Variants in CACNG7 observed in about 807,000 individuals in gnomAD.
CACNG7 encodes the protein voltage-dependent calcium channel gamma-7 subunit.
In CACNG7, 9 loss-of-function variants were observed where a neutral mutation model predicts 26.3. The ratio of observed to expected loss-of-function variants is 0.34; its 90% CI spans 0.21 to 0.60. The LOEUF (loss-of-function observed/expected upper bound fraction) is 0.60. Ranked by LOEUF, CACNG7 falls within the 20% of genes least tolerant of loss-of-function variation. The probability of loss-of-function intolerance (pLI) is 0.81; values close to 1 mark genes in which losing one functional copy is unlikely to be tolerated. For synonymous variants in CACNG7, 170 were observed against 157.0 expected, an observed-to-expected ratio of 1.08 and a Z score of -0.62; for missense variants, 297 against 380.4, an observed-to-expected ratio of 0.78 and a Z score of 1.82.
intron 4 of CACNG7, among the ~76,000 whole-genome samples, chr19:53,926,769 T>A (rs1296617111): frequency 6.6e-6 from 1 of 151,818 alleles, no homozygotes; most frequent in Non-Finnish European, 1.5e-5. Context: ...AAAAATTGAC[T>A]GGGCATGGTG....
chr19:53,932,123 C>T (rs188429308), intron 4 of CACNG7, among the ~76,000 whole-genome samples: 2 of 151,312 alleles, frequency 1.3e-5, no homozygotes, highest in East Asian at 1.9e-4. Flanking sequence ...CACAGTGACT[C>T]GAGCCTGTAG....
At chr19:53,928,015 A>AG (rs1054627584) in intron 4 of CACNG7, among the ~76,000 whole-genome samples, 1 of 143,694 alleles carries the variant, frequency 7.0e-6, no homozygotes, top group African/African-American at 2.7e-5. Flanking sequence ...GATGTAGTTG[A>AG]GGGGGTGGGA....
intron 4 of CACNG7, among the ~76,000 whole-genome samples, chr19:53,926,113 A>G (rs907361944): frequency 1.3e-5 from 2 of 152,114 alleles, no homozygotes; most frequent in African/African-American, 2.4e-5. Flanking sequence ...GCCCATGTGC[A>G]CTCACTCACA....
rs199711842 is a variant in CACNG7 at position 53,921,754 on chromosome 19, T to TC, written c.424+6249_424+6250insC. On this transcript the variant is annotated intron_variant, in intron 4 of 5. Transcript: ENST00000391767. Reference sequence around the variant, plus strand: ...ATTGGTGGAGTTGCCCCAGGTCTGGTATTGGTGGAGTTGTCCCAGGTCTGG... The same window carrying TC: ...ATTGGTGGAGTTGCCCCAGGTCTGGTCATTGGTGGAGTTGTCCCAGGTCTGG... Among the ~76,000 whole-genome samples, 37 of 72,240 alleles carry TC rather than the reference T, an allele frequency of 5.1e-4. 1 individual carries two copies. The highest frequency in any genetic ancestry group is 1.2e-3 in the African/African-American group (14 of 11,572). 47.4% of individuals were successfully genotyped at this position (72,240 alleles called of 152,430 possible). A position where few individuals can be genotyped will look rare whatever the true frequency, so the allele number is the denominator to read the frequency against.
intron 4 of CACNG7, among the ~76,000 whole-genome samples, chr19:53,922,749 GT>G (rs1464924175): frequency 3.2e-5 from 2 of 63,264 alleles, no homozygotes; most frequent in Non-Finnish European, 5.5e-5. Context: ...GTTGTCCCAG[GT>G]CTGGTCATTG....
intron 4 of CACNG7, among the ~76,000 whole-genome samples, chr19:53,925,009 G>T (rs1182718712): frequency 7.8e-6 from 1 of 128,240 alleles, no homozygotes; most frequent in East Asian, 2.1e-4. Context: ...CCCCAGGTCT[G>T]GTATTGGTGG....
chr19:53,929,800 A>G (rs1172184316), intron 4 of CACNG7, among the ~76,000 whole-genome samples: 1 of 152,148 alleles, frequency 6.6e-6, no homozygotes, highest in African/African-American at 2.4e-5. Context: ...TGAAAGTGTT[A>G]TGGAAGTTCA....
At chr19:53,915,806 G>A (rs1156287528) in intron 4 of CACNG7, among the ~76,000 whole-genome samples, 1 of 152,160 alleles carries the variant, frequency 6.6e-6, no homozygotes, top group Non-Finnish European at 1.5e-5. Context: ...TATGGAAACA[G>A]ACACTCAGAG....
At chr19:53,926,223 G>T (rs1371373873) in intron 4 of CACNG7, among the ~76,000 whole-genome samples, 15 of 152,080 alleles carry the variant, frequency 9.9e-5, no homozygotes, top group Non-Finnish European at 1.5e-5. Flanking sequence ...AAATGCCTCA[G>T]TCTGTCCTCC....
intron 3 of CACNG7, 68 bp from the exon 4 acceptor site, chr19:53,915,297 C>A: frequency 8.1e-7 from 1 of 1,240,838 alleles, no homozygotes. Flanking sequence ...GAGCAGAGGT[C>A]AAGGAATGGG....
In CACNG7 at chr19:53,931,759, C is replaced by CTTT. The variant is rs776971448; in HGVS notation, c.425-9693_425-9691dup. On this transcript the variant is annotated intron_variant, in intron 4 of 5. Transcript: ENST00000391767. ...TACTATTTGTTTTTAACAACGCTGA[C>CTTT]TTTTTTTTTTTTTTTTTTTTGAGAT... 6.4e-4 allele frequency among the ~76,000 whole-genome samples: 70 copies of CTTT among 108,754 alleles called. 1 individual carries two copies. Among genetic ancestry groups the CTTT allele is most frequent in the Non-Finnish European group, 9.7e-4 (52 of 53,762 alleles). 71.3% of individuals were successfully genotyped at this position (108,754 alleles called of 152,430 possible).
At chr19:53,930,393 G>A (rs1046334284) in intron 4 of CACNG7, among the ~76,000 whole-genome samples, 4 of 151,942 alleles carry the variant, frequency 2.6e-5, no homozygotes, top group Non-Finnish European at 4.4e-5. Context: ...TTAAATTTGA[G>A]ACGGAGTCTC....
chr19:53,941,764 G>A (rs1231648564), intron 5 of CACNG7, 149 bp downstream of exon 5: 1 of 1,027,940 alleles, frequency 9.7e-7, no homozygotes, highest in African/African-American at 1.6e-5. Flanking sequence ...CCTGGGTCCT[G>A]GAGGAAGAGG....
chr19:53,911,887 A>G (rs1292018242), intron 1 of CACNG7, among the ~76,000 whole-genome samples: 2 of 152,206 alleles, frequency 1.3e-5, no homozygotes, highest in Non-Finnish European at 2.9e-5. Context: ...TAGGCTCAAG[A>G]TACAAATCTT....
intron 4 of CACNG7, among the ~76,000 whole-genome samples, chr19:53,918,765 T>G (rs2068914725): frequency 6.6e-6 from 1 of 152,176 alleles, no homozygotes; most frequent in South Asian, 2.1e-4. Context: ...TTTATTTTAC[T>G]TTTTTATTTT....
At chr19:53,911,093 G>A (rs78928167) in intron 1 of CACNG7, among the ~76,000 whole-genome samples, 1 of 150,752 alleles carries the variant, frequency 6.6e-6, no homozygotes, top group South Asian at 2.1e-4. Context: ...TTGAGATGGA[G>A]TCTCACTCTG....
intron 4 of CACNG7, among the ~76,000 whole-genome samples, chr19:53,916,890 C>G (rs548656457): frequency 6.6e-6 from 1 of 151,714 alleles, no homozygotes; most frequent in Non-Finnish European, 1.5e-5. Flanking sequence ...CTCTGCCTCC[C>G]GGGTTCAAGC....
At chr19:53,935,632 G>GTTTTTTTT (rs751162910) in intron 4 of CACNG7, among the ~76,000 whole-genome samples, 1 of 27,560 alleles carries the variant, frequency 3.6e-5, no homozygotes, top group African/African-American at 1.4e-4. Flanking sequence ...CTCCAATACT[G>GTTTTTTTT]TCTTTTTTTT....
At chr19:53,925,821 G>C (rs890353103) in intron 4 of CACNG7, among the ~76,000 whole-genome samples, 2 of 152,358 alleles carry the variant, frequency 1.3e-5, no homozygotes, top group South Asian at 2.1e-4. Context: ...GCTGGGGCTG[G>C]AGATGTGAGG....
Sources: allele counts gnomAD v4.1 joint callset (sites outside exome capture counted in the v4.1 genomes callset), GRCh38; gene constraint gnomAD v4.1.1; transcripts MANE v1.5; gene names NCBI Gene and HGNC (gene_info 2026-07-23, HGNC 2026-07-21).